Variants in KCNB2 observed in about 807,000 individuals in gnomAD.
KCNB2 encodes the protein delayed rectifier potassium channel protein.
In KCNB2, 15 loss-of-function variants were observed where a neutral mutation model predicts 61.5. The observed-to-expected ratio is 0.24, with a 90% CI of 0.16 to 0.38. The LOEUF (loss-of-function observed/expected upper bound fraction) is 0.38. KCNB2 is among the 10% of genes least tolerant of loss of function. The probability of loss-of-function intolerance (pLI) is 1.00; values close to 1 mark genes in which losing one functional copy is unlikely to be tolerated. For missense variants in KCNB2, 828 were observed against 1,125.2 expected, an observed-to-expected ratio of 0.74 and a Z score of 3.78; for synonymous variants, 457 against 446.0, an observed-to-expected ratio of 1.02 and a Z score of -0.31.
Position 72,851,826 on chromosome 8 carries a change from G to GAAAAAAAAAAAAAAAAAAAAAA in KCNB2, c.580-84108_580-84087dup, listed in dbSNP as rs55696554. Reference sequence around the variant, plus strand: ...TTTTTTTTTAATGTAGAAGCTGTAGGAAAAAAAAAAAAAAAAAAAAAACAC... The same window carrying GAAAAAAAAAAAAAAAAAAAAAA: ...TTTTTTTTTAATGTAGAAGCTGTAGGAAAAAAAAAAAAAAAAAAAAAAAAAAAAAAAAAAAAAAAAAAAACAC... On this transcript the variant is annotated intron_variant, in intron 2 of 2. Transcript: ENST00000523207. Among the ~76,000 whole-genome samples, 9 of 43,860 alleles carry GAAAAAAAAAAAAAAAAAAAAAA rather than the reference G, an allele frequency of 2.1e-4. 2 individuals carry two copies. The highest frequency in any genetic ancestry group is 2.0e-4 in the Non-Finnish European group (5 of 25,624). The allele number at this position is 43,860 out of a possible 152,430, so 28.8% of individuals were successfully genotyped here.
chr8:72,821,482 C>T (rs1053549535), intron 2 of KCNB2, among the ~76,000 whole-genome samples: 1 of 151,986 alleles, frequency 6.6e-6, no homozygotes, highest in South Asian at 2.1e-4. Flanking sequence ...TCCGTTTCCA[C>T]TATGAAGTAG....
chr8:72,673,414 C>T (rs954736235), intron 2 of KCNB2, among the ~76,000 whole-genome samples: 2 of 152,180 alleles, frequency 1.3e-5, no homozygotes, highest in Non-Finnish European at 2.9e-5. Flanking sequence ...CTCCTTCCTG[C>T]CACCATGTGA....
chr8:72,685,420 GA>G (rs977383595), intron 2 of KCNB2, among the ~76,000 whole-genome samples: 10 of 152,072 alleles, frequency 6.6e-5, no homozygotes, highest in African/African-American at 2.2e-4. Flanking sequence ...CCTTGTCCTA[GA>G]AGCTAGATGT....
At chr8:72,841,253 T>C (rs1417865422) in intron 2 of KCNB2, among the ~76,000 whole-genome samples, 3 of 152,120 alleles carry the variant, frequency 2.0e-5, no homozygotes, top group Non-Finnish European at 4.4e-5. Context: ...TTCTGTTCCA[T>C]TGGTCTGTAT....
intron 2 of KCNB2, among the ~76,000 whole-genome samples, chr8:72,774,810 G>A (rs540567590): frequency 6.6e-5 from 10 of 151,956 alleles, no homozygotes; most frequent in Non-Finnish European, 1.2e-4. Flanking sequence ...ATAAAATAAT[G>A]TGAGGATCTA....
chr8:72,910,475 G>A (rs1806268443), intron 2 of KCNB2, among the ~76,000 whole-genome samples: 1 of 152,086 alleles, frequency 6.6e-6, no homozygotes, highest in South Asian at 2.1e-4. Flanking sequence ...GATACATAAA[G>A]GGCATACACA....
intron 2 of KCNB2, among the ~76,000 whole-genome samples, chr8:72,618,145 G>A (rs1472403559): frequency 1.3e-5 from 2 of 151,998 alleles, no homozygotes; most frequent in Non-Finnish European, 2.9e-5. Flanking sequence ...AATGTAGACT[G>A]ACATTAGCTC....
chr8:72,725,563 A>G (rs1382297126), intron 2 of KCNB2, among the ~76,000 whole-genome samples: 13 of 90,676 alleles, frequency 1.4e-4, no homozygotes, highest in African/African-American at 6.0e-4. Context: ...ATATGTATAT[A>G]TGTATATATA....
intron 2 of KCNB2, among the ~76,000 whole-genome samples, chr8:72,854,058 G>A (rs1423441586): frequency 6.6e-6 from 1 of 152,052 alleles, no homozygotes; most frequent in African/African-American, 2.4e-5. Flanking sequence ...ACCATTTAGG[G>A]CTATTTTGCT....
At chr8:72,901,349 C>G (rs1417992296) in intron 2 of KCNB2, among the ~76,000 whole-genome samples, 1 of 152,150 alleles carries the variant, frequency 6.6e-6, no homozygotes, top group Non-Finnish European at 1.5e-5. Context: ...AGAGACGAAA[C>G]CCTGCCTTGG....
intron 2 of KCNB2, among the ~76,000 whole-genome samples, chr8:72,645,655 A>G (rs941930410): frequency 2.6e-5 from 4 of 152,162 alleles, no homozygotes; most frequent in Non-Finnish European, 5.9e-5. Context: ...TCTAAATGCT[A>G]TCAGCTAAAG....
At position 72,859,706 on chromosome 8, in the gene KCNB2, C is replaced by CTTTTTTTTTTTTT. The variant is rs1810264452; in HGVS notation, c.580-76229_580-76228insTTTTTTTTTTTTT. 2.7e-4 allele frequency among the ~76,000 whole-genome samples: 20 copies of CTTTTTTTTTTTTT among 73,448 alleles called. 8 individuals carry two copies. Among genetic ancestry groups the CTTTTTTTTTTTTT allele is most frequent in the East Asian group, 9.6e-4 (2 of 2,094 alleles). 48.2% of individuals were successfully genotyped at this position (73,448 alleles called of 152,430 possible). On this transcript the variant is annotated intron_variant, in intron 2 of 2. Coordinates refer to ENST00000523207, the MANE Select transcript of KCNB2 (RefSeq NM_004770.3). ...TGTAGCATGGATCAGTACTTCATTT[C>CTTTTTTTTTTTTT]GTTTTTTTTTTTTTTTTTTTTTTTT...
intron 2 of KCNB2, among the ~76,000 whole-genome samples, chr8:72,808,012 A>G (rs1336983035): frequency 6.6e-6 from 1 of 152,208 alleles, no homozygotes; most frequent in Non-Finnish European, 1.5e-5. Context: ...ATATCCTACC[A>G]TGACAATCTC....
chr8:72,752,424 T>A lies in KCNB2; in HGVS notation c.580-183511T>A, dbSNP rs1808206529. On this transcript the variant is annotated intron_variant, in intron 2 of 2. Coordinates refer to ENST00000523207, the MANE Select transcript of KCNB2 (RefSeq NM_004770.3). ...CTCTTTAATGAGAGTGGGCATCATT[T>A]AACCTATTGAGGGTCTGAATAGAAC... Among the ~76,000 whole-genome samples, 2 of 152,206 alleles carry A rather than the reference T, an allele frequency of 1.3e-5. 1 individual carries two copies. Among genetic ancestry groups the A allele is most frequent in the South Asian group, 4.1e-4 (2 of 4,824 alleles).
chr8:72,599,863 C>CT (rs1807264497), intron 2 of KCNB2, among the ~76,000 whole-genome samples: 1 of 152,146 alleles, frequency 6.6e-6, no homozygotes, highest in African/African-American at 2.4e-5. Flanking sequence ...TCATCACTGG[C>CT]CATCAGAGAA....
chr8:72,561,771 A>ATGTG (rs1563523592), intron 1 of KCNB2, among the ~76,000 whole-genome samples: 32 of 30,040 alleles, frequency 1.1e-3, no homozygotes, highest in Admixed American at 5.3e-3. Flanking sequence ...GGATATATAT[A>ATGTG]TATATGGATA....
At chr8:72,739,033 A>T (rs1208543179) in intron 2 of KCNB2, among the ~76,000 whole-genome samples, 3 of 152,176 alleles carry the variant, frequency 2.0e-5, no homozygotes, top group Non-Finnish European at 4.4e-5. Context: ...TTACCTTTCA[A>T]GTAACAAGTG....
chr8:72,646,932 T>G (rs1806138370), intron 2 of KCNB2, among the ~76,000 whole-genome samples: 1 of 152,134 alleles, frequency 6.6e-6, no homozygotes, highest in Non-Finnish European at 1.5e-5. Context: ...AAAGTTACAG[T>G]GATTCTATTT....
intron 2 of KCNB2, among the ~76,000 whole-genome samples, chr8:72,931,910 G>C (rs1806792793): frequency 6.6e-6 from 1 of 152,192 alleles, no homozygotes; most frequent in Admixed American, 6.6e-5. Flanking sequence ...CTACTTGGGA[G>C]GCTGAGGCAC....
Sources: allele counts gnomAD v4.1 joint callset (sites outside exome capture counted in the v4.1 genomes callset), GRCh38; gene constraint gnomAD v4.1.1; transcripts MANE v1.5; gene names NCBI Gene and HGNC (gene_info 2026-07-23, HGNC 2026-07-21).